The following ADAM12 variants were observed in gnomAD, a reference collection of about 807,000 sequenced individuals.
The protein encoded by ADAM12 is disintegrin and metalloproteinase domain-containing protein 12.
A neutral mutation model predicts 106.4 loss-of-function variants in ADAM12; 70 were observed. That is an observed-to-expected ratio of 0.66 (90% CI 0.54 to 0.80). The LOEUF is 0.80. ADAM12 is among the 30% of genes least tolerant of loss of function. The probability of loss-of-function intolerance (pLI) is 0.00; values close to 1 mark genes in which losing one functional copy is unlikely to be tolerated. For synonymous variants in ADAM12, 420 were observed against 433.5 expected, an observed-to-expected ratio of 0.97 and a Z score of 0.39; for missense variants, 1,010 against 1,171.9, an observed-to-expected ratio of 0.86 and a Z score of 2.02.
intron 1 of ADAM12, among the ~76,000 whole-genome samples, chr10:126,335,752 C>T (rs1043692764): frequency 6.6e-6 from 1 of 152,050 alleles, no homozygotes; most frequent in African/African-American, 2.4e-5. Context: ...AATAGAGAAA[C>T]CTGACAAACC....
chr10:126,259,030 A>G (rs1414323249), intron 3 of ADAM12, among the ~76,000 whole-genome samples: 1 of 152,190 alleles, frequency 6.6e-6, no homozygotes, highest in African/African-American at 2.4e-5. Context: ...GGTTGAATTT[A>G]TAACAGCAGC....
In ADAM12 at chr10:126,245,347, A is replaced by G. The variant is rs1429075814; in HGVS notation, c.260+33568T>C. Among the ~76,000 whole-genome samples the G allele has an allele frequency of 2.6e-5, 4 of 152,230 alleles. No individual in the cohort carries two copies. The East Asian group carries it at 7.7e-4, about 29-fold the overall frequency. On this transcript the variant is annotated intron_variant, in intron 3 of 22. Transcript: ENST00000448723. ...AGACGCTGAAGAACATGGAACTTAG[A>G]CTAAACCTAGATGGTGAAAGGAGAG... is the stretch of plus-strand genomic sequence containing the variant.
At chr10:126,085,295 A>C (rs1955315500) in intron 11 of ADAM12, among the ~76,000 whole-genome samples, 1 of 152,224 alleles carries the variant, frequency 6.6e-6, no homozygotes, top group Admixed American at 6.5e-5. Context: ...CCATTGTAGA[A>C]TGATGTGGAA....
At chr10:126,091,274 G>A (rs11244804) in intron 11 of ADAM12, among the ~76,000 whole-genome samples, 11,623 of 152,174 alleles carry the variant, frequency 0.076, 959 homozygotes, top group African/African-American at 0.17. Flanking sequence ...CCACTCTCTC[G>A]GAGACACTAT....
intron 3 of ADAM12, among the ~76,000 whole-genome samples, chr10:126,158,862 GTGCGCAGAGCATGGGGAGAGGA>G (rs1956879090): frequency 8.8e-6 from 1 of 113,778 alleles, no homozygotes; most frequent in Middle Eastern, 8.3e-3. Flanking sequence ...GGTGGGGAGG[GTGCGCAGAGCATGGGGAGAGGA>G]TGCACAGAGC....
chr10:126,188,061 G>C (rs1957431268), intron 3 of ADAM12, among the ~76,000 whole-genome samples: 1 of 152,188 alleles, frequency 6.6e-6, no homozygotes. Flanking sequence ...GCTGTGAAGG[G>C]GCAATGACAG....
chr10:126,175,137 C>A (rs919022992), intron 3 of ADAM12, among the ~76,000 whole-genome samples: 4 of 152,210 alleles, frequency 2.6e-5, no homozygotes, highest in Admixed American at 2.0e-4. Context: ...GCGAGAAGAG[C>A]CAGAAACAAT....
intron 2 of ADAM12, 138 bp downstream of exon 2, chr10:126,330,274 A>T: frequency 1.3e-6 from 1 of 746,270 alleles, no homozygotes; most frequent in Non-Finnish European, 2.1e-6. Context: ...TTGGCTTAAG[A>T]ATAAAGCTTC....
At chr10:126,211,307 C>A (rs899587264) in intron 3 of ADAM12, among the ~76,000 whole-genome samples, 1 of 152,200 alleles carries the variant, frequency 6.6e-6, no homozygotes, top group African/African-American at 2.4e-5. Flanking sequence ...CCAAATGGAG[C>A]TAGGCAGGCG....
chr10:126,108,537 C>T (rs1955815958), intron 8 of ADAM12, 56 bp downstream of exon 8: 3 of 1,533,454 alleles, frequency 2.0e-6, no homozygotes, highest in East Asian at 2.3e-5. Context: ...GTCCCCCAAC[C>T]TCATTTCCAA....
intron 2 of ADAM12, among the ~76,000 whole-genome samples, chr10:126,288,750 A>C (rs1452032943): frequency 6.6e-6 from 1 of 150,750 alleles, no homozygotes; most frequent in Non-Finnish European, 1.5e-5. Context: ...GTGTGGTGAC[A>C]TAATGGCCCA....
intron 3 of ADAM12, among the ~76,000 whole-genome samples, chr10:126,216,831 A>G (rs1022133739): frequency 2.6e-5 from 4 of 152,168 alleles, no homozygotes; most frequent in Admixed American, 2.6e-4. Context: ...CCAAACAGAA[A>G]ATTCCAGATT....
At chr10:126,096,404 TTATTAA>T (rs1336998977) in intron 10 of ADAM12, among the ~76,000 whole-genome samples, 65 of 152,364 alleles carry the variant, frequency 4.3e-4, no homozygotes, top group African/African-American at 1.5e-3. Flanking sequence ...TTTATTCATG[TTATTAA>T]TATTATTTCC....
chr10:126,333,861 A>G (rs1554869465), intron 1 of ADAM12, among the ~76,000 whole-genome samples: 1 of 152,218 alleles, frequency 6.6e-6, no homozygotes, highest in Non-Finnish European at 1.5e-5. Context: ...AGGAGAATTT[A>G]GAAGCAGGCT....
rs1954881321 is a variant in ADAM12, at chr10:126,066,843, A to G, written c.1324-37T>C. The G allele has an allele frequency of 6.3e-7, 1 of 1,584,370 alleles. No individual in the cohort carries two copies. Among genetic ancestry groups the G allele is most frequent in the Non-Finnish European group, 8.7e-7 (1 of 1,153,608 alleles). ...AATGGCATTTGTTTGACAGGGTCTT[A>G]TGGAGTATGCACTCACTGAATGCAA... is the stretch of plus-strand genomic sequence containing the variant. On this transcript the variant is annotated intron_variant, in intron 12 of 22. Coordinates refer to ENST00000448723, the MANE Select transcript of ADAM12 (RefSeq NM_001288973.2). This position sits in a 1 kb window ranked among gnomAD's most constrained non-coding sequence, Gnocchi z 5.1.
chr10:126,125,381 A>T (rs562224452), intron 5 of ADAM12, among the ~76,000 whole-genome samples: 1 of 151,366 alleles, frequency 6.6e-6, no homozygotes, highest in Non-Finnish European at 1.5e-5. Flanking sequence ...AGTAGCTGGG[A>T]TTACAGGCAT....
chr10:126,098,993 G>C (rs1955608302), intron 9 of ADAM12, among the ~76,000 whole-genome samples: 1 of 152,136 alleles, frequency 6.6e-6, no homozygotes, highest in South Asian at 2.1e-4. Flanking sequence ...AATTGAAATG[G>C]GCAGAAAAAT....
intron 4 of ADAM12, among the ~76,000 whole-genome samples, chr10:126,151,302 A>C (rs1267986047): frequency 6.6e-6 from 1 of 152,188 alleles, no homozygotes; most frequent in Non-Finnish European, 1.5e-5. Context: ...AGCATTCTCC[A>C]CTCACAAAAG....
rs1215137871 is a variant in ADAM12, at chr10:126,084,784, GA to G, written c.1145+9200del. ...CAACCCTCCCCATCCCCAAGCCTGC[GA>G]GCCAAAGGCTCACAGGTACCCAGTG... On this transcript the variant is annotated intron_variant, in intron 11 of 22. Coordinates refer to ENST00000448723, the MANE Select transcript of ADAM12 (RefSeq NM_001288973.2). Among the ~76,000 whole-genome samples, 3 of 152,210 alleles carry G rather than the reference GA, an allele frequency of 2.0e-5. No individual in the cohort carries two copies. The East Asian group carries it at 5.8e-4, about 29-fold the overall frequency.
Sources: gnomAD v4.1 joint callset for allele counts (sites outside exome capture counted in the v4.1 genomes callset) on GRCh38, gnomAD v4.1.1 for gene constraint, Gnocchi (gnomAD v3.1) non-coding constraint, MANE v1.5 for transcripts, NCBI Gene and HGNC (gene_info 2026-07-23, HGNC 2026-07-21) for gene names.